KIZ: variants seen among roughly 807,000 people sequenced by gnomAD.
The protein encoded by KIZ is kizuna centrosomal protein, also known as centrosomal protein kizuna.
Under a neutral mutation model 79.6 loss-of-function variants are expected in KIZ, and 68 were observed. That is an observed-to-expected ratio of 0.85 (90% CI 0.70 to 1.05). The LOEUF is 1.05. KIZ is among the 50% of genes least tolerant of loss of function. KIZ has a pLI of 0.00. For missense variants in KIZ, 797 were observed against 800.4 expected, an observed-to-expected ratio of 1.00 and a Z score of 0.05; for synonymous variants, 280 against 281.8, an observed-to-expected ratio of 0.99 and a Z score of 0.06.
chr20:21,188,684 A>ATTTTATTTTAT (rs199685061), intron 6 of KIZ, among the ~76,000 whole-genome samples: 2,105 of 146,796 alleles, frequency 0.014, 45 homozygotes, highest in African/African-American at 0.049. Context: ...TATTTTATTT[A>ATTTTATTTTAT]TTTATTTATT....
intron 6 of KIZ, among the ~76,000 whole-genome samples, chr20:21,166,940 A>G (rs1304000006): frequency 6.6e-6 from 1 of 152,218 alleles, no homozygotes; most frequent in African/African-American, 2.4e-5. Context: ...TTGTTTCCTG[A>G]AGAAGCAAAC....
intron 6 of KIZ, chr20:21,198,937 C>G (rs1302262933): frequency 6.6e-6 from 1 of 152,332 alleles, no homozygotes; most frequent in African/African-American, 2.4e-5. Context: ...TCTGCGCTCT[C>G]TAGGTCATTT....
intron 6 of KIZ, among the ~76,000 whole-genome samples, chr20:21,177,219 T>C (rs1356093983): frequency 2.0e-5 from 3 of 152,200 alleles, no homozygotes; most frequent in African/African-American, 7.2e-5. Flanking sequence ...TGTACTAGAG[T>C]TCCAGTTTCT....
Position 21,198,546 on chromosome 20 carries a change from G to A in KIZ, c.1353-6945G>A, listed in dbSNP as rs372042524. On this transcript the variant is annotated intron_variant, in intron 6 of 12. Transcript: ENST00000619189. ...CAACATAGTGCTGTTCTCCTCACCTGTCATGTGCCACTTAGGCTGTTTTAT... is the reference window on the plus strand; with the variant it reads ...CAACATAGTGCTGTTCTCCTCACCTATCATGTGCCACTTAGGCTGTTTTAT... 1.7e-4 allele frequency: 26 copies of A among 152,326 alleles called. No individual in the cohort carries two copies. The East Asian group carries it at 2.9e-3, about 17-fold the overall frequency. The allele number at this position is 152,326 out of a possible 1,614,324, so 9.4% of individuals were successfully genotyped here.
intron 6 of KIZ, among the ~76,000 whole-genome samples, chr20:21,202,864 C>G (rs138757905): frequency 6.6e-6 from 1 of 152,118 alleles, no homozygotes; most frequent in Non-Finnish European, 1.5e-5. Context: ...TTTAAACATT[C>G]GAAGTCTCAT....
chr20:21,212,786 G>C (rs2036120489), intron 7 of KIZ, among the ~76,000 whole-genome samples: 2 of 152,200 alleles, frequency 1.3e-5, no homozygotes, highest in African/African-American at 2.4e-5. Context: ...GTTTGTAGTA[G>C]ATTCCAGAAG....
chr20:21,212,527 G>C (rs748199062), intron 7 of KIZ, among the ~76,000 whole-genome samples: 15 of 152,210 alleles, frequency 9.9e-5, no homozygotes, highest in Non-Finnish European at 1.9e-4. Flanking sequence ...GGTAGGCAAA[G>C]CTTAACTATG....
chr20:21,135,660 TATAACA>T (rs2032144151), intron 2 of KIZ, among the ~76,000 whole-genome samples: 1 of 152,222 alleles, frequency 6.6e-6, no homozygotes, highest in Non-Finnish European at 1.5e-5. Context: ...TGAAATGCTG[TATAACA>T]GGGAAGAAGA....
chr20:21,141,821 ACACTCTCTCT>A (rs1388686722), intron 3 of KIZ, among the ~76,000 whole-genome samples: 1,718 of 111,148 alleles, frequency 0.015, 28 homozygotes, highest in African/African-American at 0.055. Flanking sequence ...ACACACACAC[ACACTCTCTCT>A]CTCTCTCTCT....
At chr20:21,196,394 T>C (rs1473881596) in intron 6 of KIZ, 2 of 152,390 alleles carry the variant, frequency 1.3e-5, no homozygotes, top group African/African-American at 4.8e-5. Context: ...CTCTGTGTCT[T>C]TACCGCTTCA....
intron 4 of KIZ, among the ~76,000 whole-genome samples, chr20:21,160,216 T>C (rs1450899399): frequency 1.3e-5 from 2 of 152,154 alleles, no homozygotes; most frequent in African/African-American, 2.4e-5. Flanking sequence ...CACTTCCCTA[T>C]GGGACAGCTG....
At chr20:21,130,907 C>T (rs1176712821) in intron 1 of KIZ, among the ~76,000 whole-genome samples, 4 of 152,204 alleles carry the variant, frequency 2.6e-5, no homozygotes, top group Admixed American at 2.6e-4. Context: ...GAGCATGGGG[C>T]CAGCCCCTTT....
At chr20:21,204,872 G>T (rs964441100) in intron 6 of KIZ, among the ~76,000 whole-genome samples, 10 of 152,204 alleles carry the variant, frequency 6.6e-5, no homozygotes, top group Non-Finnish European at 1.5e-4. Flanking sequence ...AACATCTGCT[G>T]TTGAGATGAA....
At chr20:21,193,678 A>G (rs2035210683) in intron 6 of KIZ, among the ~76,000 whole-genome samples, 1 of 152,042 alleles carries the variant, frequency 6.6e-6, no homozygotes, top group African/African-American at 2.4e-5. Context: ...TGCAGACATA[A>G]AAAATGATGA....
intron 11 of KIZ, among the ~76,000 whole-genome samples, chr20:21,242,177 A>G (rs2037240403): frequency 3.3e-5 from 5 of 152,182 alleles, no homozygotes. Flanking sequence ...AGTTGGCTGC[A>G]CAAGTGGATG....
chr20:21,168,719 T>C (rs1239745843), intron 6 of KIZ, among the ~76,000 whole-genome samples: 1 of 152,194 alleles, frequency 6.6e-6, no homozygotes, highest in Non-Finnish European at 1.5e-5. Context: ...AGCATGGTAC[T>C]GGTACCAAAA....
At chr20:21,126,079 C>T (rs1352770870), upstream of KIZ, 5 of 1,492,744 alleles carry the variant, frequency 3.3e-6, no homozygotes, top group Non-Finnish European at 4.5e-6. Context: ...CGAACGGCCA[C>T]CCAGAGGCTG....
Position 21,176,015 on chromosome 20 carries a change from GA to G in KIZ, c.1352+12864del, listed in dbSNP as rs200505698. Among the ~76,000 whole-genome samples the G allele has an allele frequency of 1.9e-4, 29 of 151,644 alleles. 1 individual carries two copies. The East Asian group carries it at 5.6e-3, about 30-fold the overall frequency. The stretch of plus-strand genomic sequence containing the variant: ...TGAGCAACGGAGTGAGACCCTGTCT[GA>G]AAAAAAATGGAGGCTGGGCACGGTG... On this transcript the variant is annotated intron_variant, in intron 6 of 12. Transcript: ENST00000619189.
intron 10 of KIZ, 48 bp downstream of exon 10, chr20:21,229,163 G>A: frequency 2.7e-6 from 3 of 1,112,624 alleles, no homozygotes; most frequent in Non-Finnish European, 4.1e-6. Flanking sequence ...GTGGCAGGCA[G>A]GGCTGTGTTC....
Sources: allele counts gnomAD v4.1 joint callset (sites outside exome capture counted in the v4.1 genomes callset), GRCh38; gene constraint gnomAD v4.1.1; transcripts MANE v1.5; gene names NCBI Gene and HGNC (gene_info 2026-07-23, HGNC 2026-07-21).